DSCAML1: variants seen among roughly 807,000 people sequenced by gnomAD.
The protein encoded by DSCAML1 is cell adhesion molecule DSCAML1.
A neutral mutation model predicts 200.5 loss-of-function variants in DSCAML1; 38 were observed. The observed-to-expected ratio is 0.19, with a 90% CI of 0.15 to 0.25. The LOEUF is 0.25. DSCAML1 is among the 10% of genes least tolerant of loss of function. The pLI, the probability that DSCAML1 is intolerant of heterozygous loss-of-function variation, is 1.00. For synonymous variants in DSCAML1, 1,215 were observed against 1,165.0 expected (o/e 1.04, Z -0.87); for missense variants, 2,223 against 2,858.8 (o/e 0.78, Z 5.07).
chr11:117,665,881 C>T (rs901077059), intron 3 of DSCAML1, among the ~76,000 whole-genome samples: 1 of 152,218 alleles, frequency 6.6e-6, no homozygotes, highest in South Asian at 2.1e-4. Flanking sequence ...GTCAGCCCAA[C>T]CTCCTCATTT....
intron 17 of DSCAML1, among the ~76,000 whole-genome samples, chr11:117,464,542 G>A (rs1460459795): frequency 1.3e-5 from 2 of 152,162 alleles, no homozygotes; most frequent in East Asian, 3.8e-4. Flanking sequence ...GGTAGATGGT[G>A]GACAGGTTCC....
chr11:117,641,491 A>T (rs753367321), intron 3 of DSCAML1, among the ~76,000 whole-genome samples: 1 of 152,184 alleles, frequency 6.6e-6, no homozygotes, highest in Non-Finnish European at 1.5e-5. Context: ...CTGCACACAG[A>T]GCTGCCATGT....
In DSCAML1 at chr11:117,626,992, C is replaced by A. The variant is rs563090943; in HGVS notation, c.512-94470G>T. On this transcript the variant is annotated intron_variant, in intron 3 of 32. Transcript: ENST00000651296. Reference sequence around the variant, plus strand: ...TGAGTTCTCCAGGCAGTGGTGCCTGCGAGACTTTACATTCAGGAAGCTTAG... The same window carrying A: ...TGAGTTCTCCAGGCAGTGGTGCCTGAGAGACTTTACATTCAGGAAGCTTAG... Among the ~76,000 whole-genome samples, 13 of 152,268 alleles carry A rather than the reference C, an allele frequency of 8.5e-5. No individual in the cohort carries two copies. In the South Asian group the frequency reaches 2.7e-3, roughly 32 times the overall value.
rs11823335 is a variant in DSCAML1, at chr11:117,480,251, C to T, written c.2785+192G>A. On this transcript the variant is annotated intron_variant, in intron 14 of 32. Coordinates refer to ENST00000651296, the MANE Select transcript of DSCAML1 (RefSeq NM_020693.4). The surrounding 1 kb of genome is among the most constrained non-coding windows in gnomAD (Gnocchi z 4.1). ...CAACTGGGGGTCTCCATCTTCCACCCGGACTCCTAGCCCGGCCAGTGTCCC... is the reference window on the plus strand; with the variant it reads ...CAACTGGGGGTCTCCATCTTCCACCTGGACTCCTAGCCCGGCCAGTGTCCC... 0.25 allele frequency among the ~76,000 whole-genome samples: 37,344 copies of T among 152,092 alleles called. 4,921 individuals are homozygous for T. Among genetic ancestry groups the T allele is most frequent in the South Asian group, 0.44 (2,129 of 4,810 alleles).
At chr11:117,531,304 C>T (rs917093642) in intron 4 of DSCAML1, among the ~76,000 whole-genome samples, 11 of 152,052 alleles carry the variant, frequency 7.2e-5, no homozygotes, top group East Asian at 1.9e-4. Flanking sequence ...TCTGGCAAGT[C>T]GCTTGGCTTC....
chr11:117,698,402 GA>G (rs1191932394), intron 3 of DSCAML1, among the ~76,000 whole-genome samples: 2 of 152,168 alleles, frequency 1.3e-5, no homozygotes. Context: ...CCATGCAACA[GA>G]TACATGTAAA....
chr11:117,464,490 C>T (rs965221786), intron 17 of DSCAML1, among the ~76,000 whole-genome samples: 2 of 152,098 alleles, frequency 1.3e-5, no homozygotes, highest in African/African-American at 4.8e-5. Flanking sequence ...AATCCTCTGC[C>T]GCATGCACGT....
chr11:117,463,635 GC>G lies in DSCAML1; in HGVS notation c.3265+1306del, dbSNP rs2048524718. Among the ~76,000 whole-genome samples, 1 of 152,324 alleles carries G rather than the reference GC, an allele frequency of 6.6e-6. No homozygotes were observed. ...CTCAATCCAGCCAGGCCCGAGGCCA[GC>G]ATCTCAGGGTGGGAGGGATGGAGAG... is the stretch of plus-strand genomic sequence containing the variant. On this transcript the variant is annotated intron_variant, in intron 17 of 32. Coordinates refer to ENST00000651296, the MANE Select transcript of DSCAML1 (RefSeq NM_020693.4). This position sits in a 1 kb window ranked among gnomAD's most constrained non-coding sequence, Gnocchi z 4.0.
intron 3 of DSCAML1, among the ~76,000 whole-genome samples, chr11:117,564,651 C>CTTTCT (rs1187638307): frequency 1.3e-5 from 2 of 152,036 alleles, no homozygotes; most frequent in Non-Finnish European, 2.9e-5. Context: ...CTCTTTCTTT[C>CTTTCT]TTTCTTTTTC....
At chr11:117,548,693 C>T (rs1019940657) in intron 3 of DSCAML1, among the ~76,000 whole-genome samples, 6 of 152,200 alleles carry the variant, frequency 3.9e-5, no homozygotes, top group East Asian at 1.9e-4. Context: ...CCGAGTGCAC[C>T]GTTAGTTCTG....
chr11:117,444,092 GTCCAAA>G, intron 20 of DSCAML1, 53 bp from the exon 21 acceptor site: 4 of 1,554,932 alleles, frequency 2.6e-6, no homozygotes, highest in Non-Finnish European at 3.5e-6. Flanking sequence ...GCCCTCCAGC[GTCCAAA>G]TCTTCCTCAG....
intron 3 of DSCAML1, among the ~76,000 whole-genome samples, chr11:117,564,717 C>A (rs2050725132): frequency 6.7e-6 from 1 of 150,248 alleles, no homozygotes; most frequent in South Asian, 2.1e-4. Flanking sequence ...TTCCTTCTTT[C>A]CTTTCCTTCC....
chr11:117,610,241 T>C (rs1204776078), intron 3 of DSCAML1, among the ~76,000 whole-genome samples: 1 of 152,196 alleles, frequency 6.6e-6, no homozygotes, highest in Non-Finnish European at 1.5e-5. Flanking sequence ...GTTGAGTCAA[T>C]GGGGAATTCC....
intron 3 of DSCAML1, among the ~76,000 whole-genome samples, chr11:117,596,930 C>T (rs2051371219): frequency 2.6e-5 from 4 of 152,272 alleles, no homozygotes; most frequent in Admixed American, 6.5e-5. Context: ...TTGGCATTTA[C>T]AAGGTTTGTC....
rs1350814586 is a variant in DSCAML1, at chr11:117,472,024, A to C, written c.2798T>G (p.Phe933Cys). The change falls in exon 15 of 33, where the codon TTC (phenylalanine) becomes TGC (cysteine). Residue 933 changes from phenylalanine to cysteine, a missense_variant. Transcript: ENST00000651296. ...EYKNKSDSWD[F>C]KQSTRNISPT... ...GGAGATGTTGCGTGTGGACTGCTTG[A>C]AGTCCCAGGAATCTGGAGAGAAGAC... is the stretch of plus-strand genomic sequence containing the variant. 3 of 1,613,988 alleles carry C rather than the reference A, an allele frequency of 1.9e-6. No individual in the cohort carries two copies. The highest frequency in any genetic ancestry group is 1.7e-4 in the Middle Eastern group (1 of 5,998).
chr11:117,701,420 GA>G (rs1309829943), intron 3 of DSCAML1, among the ~76,000 whole-genome samples: 2 of 152,152 alleles, frequency 1.3e-5, no homozygotes, highest in East Asian at 3.9e-4. Context: ...CAGCCTTTGA[GA>G]ACCCGCTTAT....
intron 3 of DSCAML1, among the ~76,000 whole-genome samples, chr11:117,616,630 C>T (rs932400306): frequency 3.9e-5 from 6 of 152,048 alleles, no homozygotes; most frequent in African/African-American, 1.5e-4. Context: ...AGATTTTATG[C>T]TTTTTTTGGT....
intron 3 of DSCAML1, among the ~76,000 whole-genome samples, chr11:117,657,625 C>G (rs990514527): frequency 1.3e-5 from 2 of 152,202 alleles, no homozygotes; most frequent in African/African-American, 2.4e-5. Flanking sequence ...ATGCTTTCAT[C>G]TACATGGGGA....
intron 16 of DSCAML1, among the ~76,000 whole-genome samples, chr11:117,466,964 G>C (rs932153218): frequency 6.6e-6 from 1 of 152,230 alleles, no homozygotes; most frequent in Non-Finnish European, 1.5e-5. Flanking sequence ...CAAGGCCAGG[G>C]ATTGGGGAAT....
Sources: gnomAD v4.1 joint callset for allele counts (sites outside exome capture counted in the v4.1 genomes callset) on GRCh38, gnomAD v4.1.1 for gene constraint, Gnocchi (gnomAD v3.1) non-coding constraint, MANE v1.5 for transcripts, NCBI Gene and HGNC (gene_info 2026-07-23, HGNC 2026-07-21) for gene names.